The following SQOR variants were observed in gnomAD, a reference collection of about 807,000 sequenced individuals.
SQOR encodes sulfide:quinone oxidoreductase, mitochondrial.
Under a neutral mutation model 48.6 loss-of-function variants are expected in SQOR, and 39 were observed. The ratio of observed to expected loss-of-function variants is 0.80; its 90% CI spans 0.62 to 1.05. The LOEUF (loss-of-function observed/expected upper bound fraction) is 1.05. Ranked by LOEUF, SQOR falls within the 50% of genes least tolerant of loss-of-function variation. SQOR has a pLI of 0.00. For synonymous variants in SQOR, 220 were observed against 206.2 expected (o/e 1.07, Z -0.57); for missense variants, 561 against 559.9 (o/e 1.00, Z -0.02).
chr15:45,676,039 T>TG, intron 5 of SQOR, 62 bp from the exon 6 acceptor site: 6 of 1,278,958 alleles, frequency 4.7e-6, no homozygotes, highest in Non-Finnish European at 6.4e-6. Flanking sequence ...TTGTCTGGAT[T>TG]AAAAAAAAAA....
rs780043896 is a variant in SQOR, at chr15:45,659,079, C to T, written c.156C>T (p.Gly52=). The change falls in exon 2 of 10, where the codon GGC becomes GGT. Residue 52 remains glycine (G), a synonymous_variant. Coordinates refer to ENST00000260324, the MANE Select transcript of SQOR (RefSeq NM_021199.4). ...ATGAGGTGCTGGTGCTGGGTGGGGGCAGTGGCGGAATCACCATGGCTGCCC... is the reference window on the plus strand; with the variant it reads ...ATGAGGTGCTGGTGCTGGGTGGGGGTAGTGGCGGAATCACCATGGCTGCCC... ...NHYEVLVLGG[G]SGGITMAARM... is the part of the protein sequence containing the mutation. 1.3e-6 allele frequency: 2 copies of T among 1,593,364 alleles called. No individual in the cohort carries two copies. Among genetic ancestry groups the T allele is most frequent in the Non-Finnish European group, 1.7e-6 (2 of 1,170,226 alleles).
At chr15:45,643,844 G>A (rs978590330) in intron 1 of SQOR, among the ~76,000 whole-genome samples, 1 of 152,128 alleles carries the variant, frequency 6.6e-6, no homozygotes, top group African/African-American at 2.4e-5. Flanking sequence ...TAGATGTGAA[G>A]ATTTTTCTTG....
chr15:45,654,096 T>G lies in SQOR; in HGVS notation c.-17-4811T>G, dbSNP rs1679550994. Among the ~76,000 whole-genome samples, 3 of 142,118 alleles carry G rather than the reference T, an allele frequency of 2.1e-5. No homozygotes were observed. The South Asian group carries it at 6.7e-4, about 32-fold the overall frequency. 93.2% of individuals were successfully genotyped at this position (142,118 alleles called of 152,430 possible). A position where few individuals can be genotyped will look rare whatever the true frequency, so the allele number is the denominator to read the frequency against. ...AAGATCTCCCCACTGTACTCCAGCCTGGGTGACAGAGTGAGACTCAAAAAA... is the reference window on the plus strand; with the variant it reads ...AAGATCTCCCCACTGTACTCCAGCCGGGGTGACAGAGTGAGACTCAAAAAA... On this transcript the variant is annotated intron_variant, in intron 1 of 9. Transcript: ENST00000260324.
intron 6 of SQOR, 79 bp downstream of exon 6, chr15:45,676,389 C>A: frequency 7.5e-7 from 1 of 1,340,630 alleles, no homozygotes; most frequent in Non-Finnish European, 1.1e-6. Flanking sequence ...CTCACACCAC[C>A]CTATCTGCCA....
chr15:45,649,904 G>A lies in SQOR; in HGVS notation c.-17-9003G>A, dbSNP rs376262362. Among the ~76,000 whole-genome samples the A allele has an allele frequency of 2.4e-4, 37 of 152,170 alleles. No homozygotes were observed. In the East Asian group the frequency reaches 3.3e-3, roughly 13 times the overall value. On this transcript the variant is annotated intron_variant, in intron 1 of 9. Coordinates refer to ENST00000260324, the MANE Select transcript of SQOR (RefSeq NM_021199.4). ...CAGTCTTCCTGTCACCCAGGCTGGC[G>A]TGACCTCAGCTCACTGCAACCTCTG...
intron 1 of SQOR, among the ~76,000 whole-genome samples, chr15:45,641,969 CT>C (rs1445042386): frequency 1.3e-5 from 2 of 152,174 alleles, no homozygotes; most frequent in African/African-American, 4.8e-5. Flanking sequence ...CTCACTGTGC[CT>C]GAATTTCTGA....
At chr15:45,664,489 C>T (rs1458447913) in intron 3 of SQOR, among the ~76,000 whole-genome samples, 1 of 152,004 alleles carries the variant, frequency 6.6e-6, no homozygotes, top group Non-Finnish European at 1.5e-5. Context: ...GGTTTCCAGT[C>T]CCCCCAGCCC....
chr15:45,651,032 G>C (rs530030746), intron 1 of SQOR, among the ~76,000 whole-genome samples: 1 of 152,144 alleles, frequency 6.6e-6, no homozygotes, highest in South Asian at 2.1e-4. Flanking sequence ...GCCCTTGGGC[G>C]GTCAATGGGA....
chr15:45,677,403 A>G (rs1890056679), intron 6 of SQOR, among the ~76,000 whole-genome samples: 1 of 152,228 alleles, frequency 6.6e-6, no homozygotes, highest in African/African-American at 2.4e-5. Flanking sequence ...TTTAGCACAG[A>G]TACAATTTTT....
At chr15:45,634,651 G>A (rs1445279513), upstream of SQOR, 1 of 152,358 alleles carries the variant, frequency 6.6e-6, no homozygotes. Context: ...GGAGGACCCA[G>A]TGGGAACAGC....
At chr15:45,677,334 A>G (rs932152317) in intron 6 of SQOR, among the ~76,000 whole-genome samples, 1 of 152,136 alleles carries the variant, frequency 6.6e-6, no homozygotes, top group Admixed American at 6.6e-5. Context: ...TTTAGTGTTA[A>G]TTTTCTAAAA....
At chr15:45,656,110 A>G (rs76842451) in intron 1 of SQOR, among the ~76,000 whole-genome samples, 4,638 of 152,114 alleles carry the variant, frequency 0.03, 281 homozygotes, top group African/African-American at 0.11. Context: ...CTCTCACACC[A>G]AAATACCTGG....
In SQOR at chr15:45,676,089, T is replaced by TA. The variant is rs771960744; in HGVS notation, c.655-11dup. On this transcript the variant is annotated splice_polypyrimidine_tract_variant and intron_variant, in intron 5 of 9. Coordinates refer to ENST00000260324, the MANE Select transcript of SQOR (RefSeq NM_021199.4). ...CATGCTTTGGTGTGAATGGTTTTCT[T>TA]ATTTTTCTCAGACAGGGAAGCGATC... The TA allele has an allele frequency of 6.8e-6, 11 of 1,608,738 alleles. No individual in the cohort carries two copies. The highest frequency in any genetic ancestry group is 9.3e-6 in the Non-Finnish European group (11 of 1,178,534).
At chr15:45,646,649 T>A (rs915036220) in intron 1 of SQOR, among the ~76,000 whole-genome samples, 1 of 152,214 alleles carries the variant, frequency 6.6e-6, no homozygotes, top group African/African-American at 2.4e-5. Flanking sequence ...CTGACATAGT[T>A]TTTTTAAATT....
intron 1 of SQOR, among the ~76,000 whole-genome samples, chr15:45,644,929 G>A (rs1400610717): frequency 6.6e-6 from 1 of 152,148 alleles, no homozygotes; most frequent in Non-Finnish European, 1.5e-5. Context: ...TCAAAGGTGT[G>A]GTCATAGGCA....
At position 45,673,697 on chromosome 15, in the gene SQOR, G is replaced by T; in HGVS notation, c.550G>T (p.Asp184Tyr). The T allele has an allele frequency of 6.2e-7, 1 of 1,614,190 alleles. No individual in the cohort carries two copies. The highest frequency in any genetic ancestry group is 1.3e-5 in the African/African-American group (1 of 75,042). The change falls in exon 5 of 10, where the codon GAC becomes TAC. Residue 184 changes from aspartate to tyrosine, a missense_variant. Transcript: ENST00000260324. ...TVEKTWKALQDFKEGNAIFTF... is the reference protein window; with the variant it reads ...TVEKTWKALQYFKEGNAIFTF... ...AGAGAAGACATGGAAAGCTCTGCAG[G>T]ACTTCAAAGAGGGCAATGCCATCTT...
chr15:45,682,048 T>C (rs76670233), intron 6 of SQOR, among the ~76,000 whole-genome samples: 10,279 of 152,316 alleles, frequency 0.067, 448 homozygotes, highest in Middle Eastern at 0.15. Flanking sequence ...GTTTAAGGGA[T>C]GCTGAGCATC....
rs1359032162 is a variant in SQOR at position 45,658,977 on chromosome 15, C to T, written c.54C>T (p.Cys18=). 7 of 1,596,216 alleles carry T rather than the reference C, an allele frequency of 4.4e-6. No homozygotes were observed. Among genetic ancestry groups the T allele is most frequent in the East Asian group, 2.3e-5 (1 of 44,278 alleles). Residue 18 remains cysteine (C), a synonymous_variant, in exon 2 of 10, where the codon TGC becomes TGT. Transcript: ENST00000260324. ...VSGPRAQLFA[C]LLRLGTQQVG... is the part of the protein sequence containing the mutation. ...GGCCCCGTGCCCAGCTCTTTGCCTG[C>T]CTGCTCAGGCTGGGCACTCAGCAGG...
chr15:45,681,058 C>A (rs748441598), intron 6 of SQOR, among the ~76,000 whole-genome samples: 8 of 151,846 alleles, frequency 5.3e-5, no homozygotes, highest in Non-Finnish European at 1.0e-4. Flanking sequence ...AAAGAAAAAA[C>A]AACAACAACA....
Sources: allele counts gnomAD v4.1 joint callset (sites outside exome capture counted in the v4.1 genomes callset), GRCh38; gene constraint gnomAD v4.1.1; transcripts MANE v1.5; gene names NCBI Gene and HGNC (gene_info 2026-07-23, HGNC 2026-07-21).